CDK5RAP2: variants seen among roughly 807,000 people sequenced by gnomAD.
The protein encoded by CDK5RAP2 is CDK5 regulatory subunit-associated protein 2.
Under a neutral mutation model 232.9 loss-of-function variants are expected in CDK5RAP2, and 147 were observed. The observed-to-expected ratio is 0.63, with a 90% confidence interval of 0.55 to 0.72. The LOEUF (loss-of-function observed/expected upper bound fraction) is 0.72. CDK5RAP2 is among the 30% of genes least tolerant of loss of function. The probability of loss-of-function intolerance (pLI) is 0.00; values close to 1 mark genes in which losing one functional copy is unlikely to be tolerated. For synonymous variants in CDK5RAP2, 833 were observed against 833.7 expected, an observed-to-expected ratio of 1.00 and a Z score of 0.01; for missense variants, 2,195 against 2,231.5, an observed-to-expected ratio of 0.98 and a Z score of 0.33.
intron 25 of CDK5RAP2, among the ~76,000 whole-genome samples, chr9:120,427,977 G>T (rs1276439503): frequency 6.6e-6 from 1 of 152,154 alleles, no homozygotes; most frequent in Non-Finnish European, 1.5e-5. Flanking sequence ...CAACTACATG[G>T]AAACTGAACA....
rs1211394619 is a variant in CDK5RAP2, at chr9:120,521,684, T to C, written c.1093-3039A>G. Among the ~76,000 whole-genome samples, 4 of 149,920 alleles carry C rather than the reference T, an allele frequency of 2.7e-5. No individual in the cohort carries two copies. In the East Asian group the frequency reaches 7.8e-4, roughly 29 times the overall value. Reference sequence around the variant, plus strand: ...TTTTTTTGAGACAGTCTCGCTCTGTTGCCCAGGCTGGAGTGCAGTGGCGCG... The same window carrying C: ...TTTTTTTGAGACAGTCTCGCTCTGTCGCCCAGGCTGGAGTGCAGTGGCGCG... On this transcript the variant is annotated intron_variant, in intron 11 of 37. Transcript: ENST00000349780.
At chr9:120,497,420 T>TAAAAAAAAAAAAAAAA (rs1564300312) in intron 12 of CDK5RAP2, among the ~76,000 whole-genome samples, 1 of 22,130 alleles carries the variant, frequency 4.5e-5, no homozygotes, top group African/African-American at 9.2e-5. Flanking sequence ...AAAAATAAAT[T>TAAAAAAAAAAAAAAAA]TAAAAAAAAA....
chr9:120,437,289 AC>A lies in CDK5RAP2; in HGVS notation c.3955+5del. On this transcript the variant is annotated splice_donor_5th_base_variant and intron_variant, in intron 25 of 37. Transcript: ENST00000349780. ...TCTTAAGACTCGCGTACCTCACCCTACCTACCGTTGAGAAATAGCTTTTCCA... is the reference window on the plus strand; with the variant it reads ...TCTTAAGACTCGCGTACCTCACCCTACTACCGTTGAGAAATAGCTTTTCCA... 1.2e-6 allele frequency: 2 copies of A among 1,601,122 alleles called. No individual in the cohort carries two copies. Among genetic ancestry groups the A allele is most frequent in the South Asian group, 2.2e-5 (2 of 89,918 alleles).
intron 10 of CDK5RAP2, among the ~76,000 whole-genome samples, chr9:120,525,597 C>CCCA (rs960996612): frequency 6.6e-6 from 1 of 152,000 alleles, no homozygotes; most frequent in African/African-American, 2.4e-5. Flanking sequence ...CTAGAACTCC[C>CCCA]CCACATGTGA....
At chr9:120,404,443 G>C (rs2033295485) in intron 32 of CDK5RAP2, among the ~76,000 whole-genome samples, 1 of 152,224 alleles carries the variant, frequency 6.6e-6, no homozygotes, top group Non-Finnish European at 1.5e-5. Flanking sequence ...CTTCCCAAAG[G>C]CTAATACCCG....
chr9:120,394,779 A>C, intron 35 of CDK5RAP2, 141 bp from the exon 36 acceptor site: 1 of 791,634 alleles, frequency 1.3e-6, no homozygotes, highest in Admixed American at 2.5e-5. Context: ...CCTTTTCCTG[A>C]CAACCAGGAA....
At chr9:120,459,333 C>G (rs1340735187) in intron 19 of CDK5RAP2, among the ~76,000 whole-genome samples, 1 of 152,112 alleles carries the variant, frequency 6.6e-6, no homozygotes, top group Non-Finnish European at 1.5e-5. Flanking sequence ...CATTCTTTCT[C>G]CCCTATCCAA....
At chr9:120,416,029 G>GA (rs913004029) in intron 27 of CDK5RAP2, among the ~76,000 whole-genome samples, 10 of 150,262 alleles carry the variant, frequency 6.7e-5, no homozygotes, top group South Asian at 2.1e-4. Flanking sequence ...ACAACTTATA[G>GA]AAAAAAAAAA....
intron 8 of CDK5RAP2, 44 bp downstream of exon 8, chr9:120,529,934 T>C: frequency 1.9e-6 from 3 of 1,591,244 alleles, no homozygotes; most frequent in Non-Finnish European, 2.6e-6. Flanking sequence ...CAGAGGAGTC[T>C]GGTTGGCTAA....
In CDK5RAP2 at chr9:120,536,460, G is replaced by A. The variant is rs369568564; in HGVS notation, c.574C>T (p.Arg192Trp). 8.4e-5 allele frequency: 135 copies of A among 1,613,978 alleles called. No individual in the cohort carries two copies. Among genetic ancestry groups the A allele is most frequent in the Middle Eastern group, 1.6e-4 (1 of 6,084 alleles). ...GAAAGCTTGCTTTCCAAACGCAACC[G>A]AAGAGCCTTCTCCGTCTCTGTCCCT... ...FAGTETEKAL[R>W]LRLESKLSEM... The change falls in exon 7 of 38, where the codon CGG (arginine) becomes TGG (tryptophan). Residue 192 changes from arginine to tryptophan, a missense_variant. Physicochemically the swap from Arg to Trp is moderately radical, Grantham distance 101. Transcript: ENST00000349780.
At chr9:120,555,546 T>G (rs891121578) in intron 3 of CDK5RAP2, among the ~76,000 whole-genome samples, 1 of 152,196 alleles carries the variant, frequency 6.6e-6, no homozygotes, top group African/African-American at 2.4e-5. Flanking sequence ...AAAATAAAAT[T>G]TTTTAATCGA....
chr9:120,424,699 C>T (rs998823522), intron 25 of CDK5RAP2, among the ~76,000 whole-genome samples: 8 of 148,692 alleles, frequency 5.4e-5, no homozygotes, highest in African/African-American at 2.0e-4. Flanking sequence ...ATTCTCACAG[C>T]TCTTTTTTTT....
At position 120,530,015 on chromosome 9, in the gene CDK5RAP2, C is replaced by A. The variant is rs2041077165; in HGVS notation, c.788G>T (p.Cys263Phe). 1.2e-6 allele frequency: 2 copies of A among 1,613,946 alleles called. No homozygotes were observed. The highest frequency in any genetic ancestry group is 1.3e-5 in the African/African-American group (1 of 74,922). The change falls in exon 8 of 38, where the codon TGT becomes TTT. Residue 263 changes from cysteine to phenylalanine, a missense_variant. Physicochemically the swap from Cys to Phe is radical, Grantham distance 205 (BLOSUM62 -2). Coordinates refer to ENST00000349780, the MANE Select transcript of CDK5RAP2 (RefSeq NM_018249.6). ...NVSSGELRGL[C>F]AAPREEKERE... is the part of the protein sequence containing the mutation. Reference sequence around the variant, plus strand: ...CTCCTTTTCTTCCCTTGGAGCAGCACAAAGTCCTCGGAGCTCTCCAGATGA... The same window carrying A: ...CTCCTTTTCTTCCCTTGGAGCAGCAAAAAGTCCTCGGAGCTCTCCAGATGA...
rs1003201152 is a variant in CDK5RAP2, at chr9:120,413,821, G to C, written c.4297+1219C>G. Among the ~76,000 whole-genome samples the C allele has an allele frequency of 9.0e-4, 125 of 138,382 alleles. 1 individual carries two copies. The highest frequency in any genetic ancestry group is 3.5e-3 in the African/African-American group (119 of 34,072). The allele number at this position is 138,382 out of a possible 152,430, so 90.8% of individuals were successfully genotyped here. On this transcript the variant is annotated intron_variant, in intron 28 of 37. Transcript: ENST00000349780. ...GGCGCAGTGAGCGAGGAGGGAGGAGGGAGGAGGGAGGAGGGAGGAGGGAAG... is the reference window on the plus strand; with the variant it reads ...GGCGCAGTGAGCGAGGAGGGAGGAGCGAGGAGGGAGGAGGGAGGAGGGAAG...
intron 34 of CDK5RAP2, among the ~76,000 whole-genome samples, 167 bp downstream of exon 34, chr9:120,402,639 C>G (rs904369594): frequency 6.6e-6 from 1 of 152,140 alleles, no homozygotes; most frequent in Admixed American, 6.5e-5. Context: ...CAGCCACCAC[C>G]AATAGTTCCC....
chr9:120,399,646 G>A (rs573729688), intron 35 of CDK5RAP2, among the ~76,000 whole-genome samples: 31 of 152,182 alleles, frequency 2.0e-4, no homozygotes, highest in Non-Finnish European at 4.0e-4. Flanking sequence ...AGCCTAAGAT[G>A]GAACAGGACC....
At chr9:120,475,373 C>T (rs1383203388) in intron 15 of CDK5RAP2, among the ~76,000 whole-genome samples, 8 of 152,172 alleles carry the variant, frequency 5.3e-5, no homozygotes, top group Non-Finnish European at 2.9e-5. Flanking sequence ...TCAGTCCCAT[C>T]CAAGTTTTCA....
At position 120,439,962 on chromosome 9, in the gene CDK5RAP2, A is replaced by C. The variant is rs1451126264; in HGVS notation, c.3159T>G (p.Ile1053Met). 1 of 1,613,708 alleles carries C rather than the reference A, an allele frequency of 6.2e-7. No homozygotes were observed. Among genetic ancestry groups the C allele is most frequent in the Non-Finnish European group, 8.5e-7 (1 of 1,179,922 alleles). ...QQRSYEIDSE[I>M]CPPDDLASLP... The stretch of plus-strand genomic sequence containing the variant: ...AGCTGGCAAGGTCATCAGGTGGGCA[A>C]ATCTCAGAGTCTGAAAATCAAATAC... Residue 1053 changes from isoleucine to methionine, a missense_variant, in exon 24 of 38, where the codon ATT (isoleucine) becomes ATG (methionine). Physicochemically the swap from Ile to Met is conservative, Grantham distance 10. Transcript: ENST00000349780.
intron 31 of CDK5RAP2, chr9:120,407,906 T>C (rs551471982): frequency 4.3e-4 from 115 of 269,748 alleles, no homozygotes; most frequent in African/African-American, 1.8e-3. Flanking sequence ...AAAAGTAACA[T>C]ATACTAGCAG....
Sources: allele counts gnomAD v4.1 joint callset (sites outside exome capture counted in the v4.1 genomes callset), GRCh38; gene constraint gnomAD v4.1.1; transcripts MANE v1.5; gene names NCBI Gene and HGNC (gene_info 2026-07-23, HGNC 2026-07-21).